Variants in PELP1 observed in about 807,000 individuals in gnomAD.
PELP1 encodes proline-, glutamic acid- and leucine-rich protein 1.
PELP1 carries 32 observed loss-of-function variants against 95.5 expected under a neutral mutation model. The observed-to-expected ratio is 0.34, with a 90% CI of 0.25 to 0.45. The LOEUF (loss-of-function observed/expected upper bound fraction) is 0.45. Among genes scored for constraint, PELP1 ranks in the 20% least tolerant of loss-of-function variants. The probability of loss-of-function intolerance (pLI) is 1.00; values close to 1 mark genes in which losing one functional copy is unlikely to be tolerated. For synonymous variants in PELP1, 668 were observed against 600.1 expected, an observed-to-expected ratio of 1.11 and a Z score of -1.65; for missense variants, 1,358 against 1,444.8, an observed-to-expected ratio of 0.94 and a Z score of 0.97.
At position 4,676,893 on chromosome 17, in the gene PELP1, C is replaced by G. The variant is rs551189872; in HGVS notation, c.643-81G>C. 51 of 1,070,534 alleles carry G rather than the reference C, an allele frequency of 4.8e-5. 1 individual carries two copies. The South Asian group carries it at 6.6e-4, about 14-fold the overall frequency. The allele number at this position is 1,070,534 out of a possible 1,614,324, so 66.3% of individuals were successfully genotyped here. ...TGTACATCCCATCCGTTCCCAGCAG[C>G]AGACTCTAAGCCCAGGTCTCTTTTT... On this transcript the variant is annotated intron_variant, in intron 5 of 16. Coordinates refer to ENST00000572293, the MANE Select transcript of PELP1 (RefSeq NM_014389.3).
chr17:4,694,604 G>A (rs1453360407), intron 1 of PELP1, among the ~76,000 whole-genome samples: 1 of 150,430 alleles, frequency 6.6e-6, no homozygotes, highest in Non-Finnish European at 1.5e-5. Flanking sequence ...AGGTCGCAAT[G>A]AGCCAAGATC....
Position 4,674,257 on chromosome 17 carries a change from C to T in PELP1, c.1582+253G>A, listed in dbSNP as rs182316062. Among the ~76,000 whole-genome samples the T allele has an allele frequency of 8.2e-3, 1,244 of 152,386 alleles. 8 individuals are homozygous for T. The highest frequency in any genetic ancestry group is 0.013 in the Non-Finnish European group (902 of 68,034). ...CGCAGGACCCGAGGCCGCCTGCAGC[C>T]CTGGCAACAGGGCGGCTGCTTGGGT... On this transcript the variant is annotated intron_variant, in intron 13 of 16. Transcript: ENST00000572293.
chr17:4,690,735 C>T (rs886071978), intron 3 of PELP1, among the ~76,000 whole-genome samples, 153 bp downstream of exon 3: 1 of 152,104 alleles, frequency 6.6e-6, no homozygotes, highest in African/African-American at 2.4e-5. Flanking sequence ...AAAAAAGTTT[C>T]TATTTGAAGC....
rs1913647379 is a variant in PELP1, at chr17:4,703,789, G to A, written c.249+74C>T. The A allele has an allele frequency of 5.9e-6, 8 of 1,349,560 alleles. No individual in the cohort carries two copies. The East Asian group carries it at 2.0e-4, about 33-fold the overall frequency. 83.6% of individuals were successfully genotyped at this position (1,349,560 alleles called of 1,614,324 possible). Reference sequence around the variant, plus strand: ...TCAACCTCCCTATCGCACTTGCACTGCACCGTAATCCCGGCGCACAGGTGC... The same window carrying A: ...TCAACCTCCCTATCGCACTTGCACTACACCGTAATCCCGGCGCACAGGTGC... On this transcript the variant is annotated intron_variant, in intron 1 of 16. Transcript: ENST00000572293.
At chr17:4,694,366 C>T (rs931510402) in intron 1 of PELP1, among the ~76,000 whole-genome samples, 14 of 151,836 alleles carry the variant, frequency 9.2e-5, no homozygotes, top group Non-Finnish European at 1.5e-4. Flanking sequence ...AGTGAGTGAA[C>T]TGTGGCCGGG....
chr17:4,676,327 G>T, intron 7 of PELP1, 30 bp downstream of exon 7: 1 of 1,606,970 alleles, frequency 6.2e-7, no homozygotes, highest in Non-Finnish European at 8.5e-7. Context: ...CCTCACTATT[G>T]TTCCACTAAC....
At chr17:4,688,784 A>G (rs1203107400) in intron 3 of PELP1, among the ~76,000 whole-genome samples, 1 of 152,246 alleles carries the variant, frequency 6.6e-6, no homozygotes, top group African/African-American at 2.4e-5. Flanking sequence ...AAAGCAATCT[A>G]CAAATTCAAT....
chr17:4,691,399 C>T lies in PELP1; in HGVS notation c.293G>A (p.Arg98His), dbSNP rs377024175. Residue 98 changes from arginine to histidine, a missense_variant, in exon 2 of 17, where the codon CGT becomes CAT. Arg to His is a conservative substitution (Grantham distance 29, BLOSUM62 0). Transcript: ENST00000572293. ...LGALVSLSNA[R>H]LSSIKTRFEG... ...TTACCGAGTTTTGATGGAACTGAGA[C>T]GTGCATTACTGAGACTCACCAATGC... 14 of 1,613,518 alleles carry T rather than the reference C, an allele frequency of 8.7e-6. No homozygotes were observed. Among genetic ancestry groups the T allele is most frequent in the Middle Eastern group, 3.3e-4 (2 of 6,060 alleles).
In PELP1 at chr17:4,703,955, C is replaced by T; in HGVS notation, c.157G>A (p.Val53Ile). 6.2e-7 allele frequency: 1 copy of T among 1,613,640 alleles called. No individual in the cohort carries two copies. Among genetic ancestry groups the T allele is most frequent in the South Asian group, 1.1e-5 (1 of 91,084 alleles). Reference sequence around the variant, plus strand: ...CGGTTTGGGGGATGCACCGGAGCAACGGCAGACCCCGTTCGAGGTTGCAGC... The same window carrying T: ...CGGTTTGGGGGATGCACCGGAGCAATGGCAGACCCCGTTCGAGGTTGCAGC... The part of the protein sequence containing the change: ...GLLQPRTGSA[V>I]APVHPPNRSA... Residue 53 changes from valine (V) to isoleucine (I), a missense_variant, in exon 1 of 17, where the codon GTT becomes ATT. Coordinates refer to ENST00000572293, the MANE Select transcript of PELP1 (RefSeq NM_014389.3).
At chr17:4,686,271 T>C (rs184032895) in intron 3 of PELP1, among the ~76,000 whole-genome samples, 19 of 152,292 alleles carry the variant, frequency 1.2e-4, no homozygotes, top group African/African-American at 4.6e-4. Flanking sequence ...TCTTCCAGTG[T>C]TCAGGAATCC....
In PELP1 at chr17:4,671,686, C is replaced by T. The variant is rs1912207303; in HGVS notation, c.3300+5G>A. ...CCAAGGAACCTTCCCTGCCTGGCCT[C>T]TCACCTTTTCCTGGAGAGCTTCGGC... On this transcript the variant is annotated splice_donor_5th_base_variant and intron_variant, in intron 16 of 16. Coordinates refer to ENST00000572293, the MANE Select transcript of PELP1 (RefSeq NM_014389.3). 1 of 1,579,086 alleles carries T rather than the reference C, an allele frequency of 6.3e-7. No individual in the cohort carries two copies. The highest frequency in any genetic ancestry group is 8.6e-7 in the Non-Finnish European group (1 of 1,166,988).
At chr17:4,700,547 G>A (rs1361737866) in intron 1 of PELP1, among the ~76,000 whole-genome samples, 1 of 152,118 alleles carries the variant, frequency 6.6e-6, no homozygotes, top group African/African-American at 2.4e-5. Flanking sequence ...AGGAGGCTGA[G>A]GCCTACGTAG....
At chr17:4,689,982 C>T (rs185234350) in intron 3 of PELP1, among the ~76,000 whole-genome samples, 48 of 152,018 alleles carry the variant, frequency 3.2e-4, no homozygotes, top group East Asian at 1.7e-3. Flanking sequence ...GCTGAGAGCG[C>T]GCCACTGCAC....
intron 3 of PELP1, among the ~76,000 whole-genome samples, chr17:4,685,529 C>G (rs1471478373): frequency 6.6e-6 from 1 of 152,130 alleles, no homozygotes; most frequent in Non-Finnish European, 1.5e-5. Flanking sequence ...GTAGCACCTG[C>G]CTGTAATCCC....
At chr17:4,678,173 CA>C (rs1490902659) in intron 5 of PELP1, among the ~76,000 whole-genome samples, 1 of 151,798 alleles carries the variant, frequency 6.6e-6, no homozygotes, top group Admixed American at 6.6e-5. Context: ...GAGATCACGC[CA>C]CTGCACTCTA....
intron 3 of PELP1, among the ~76,000 whole-genome samples, chr17:4,686,183 G>T (rs369584825): frequency 1.5e-4 from 23 of 152,252 alleles, no homozygotes; most frequent in African/African-American, 5.3e-4. Flanking sequence ...CCGGATCAGG[G>T]GGATAGTTAC....
intron 1 of PELP1, among the ~76,000 whole-genome samples, chr17:4,696,082 C>T (rs1395903913): frequency 6.6e-6 from 1 of 150,472 alleles, no homozygotes; most frequent in African/African-American, 2.4e-5. Flanking sequence ...GTAATCCCAA[C>T]ACTGGGAGGC....
chr17:4,689,936 G>A (rs181701035), intron 3 of PELP1, among the ~76,000 whole-genome samples: 30 of 152,322 alleles, frequency 2.0e-4, no homozygotes, highest in Admixed American at 3.9e-4. Context: ...TGAGGCAAGA[G>A]AATTGCTTGA....
chr17:4,679,739 T>A (rs748756999), intron 5 of PELP1, among the ~76,000 whole-genome samples: 1 of 152,066 alleles, frequency 6.6e-6, no homozygotes, highest in Non-Finnish European at 1.5e-5. Flanking sequence ...AATCGATGAG[T>A]CACTCCAAAT....
Sources: gnomAD v4.1 joint callset for allele counts (sites outside exome capture counted in the v4.1 genomes callset) on GRCh38, gnomAD v4.1.1 for gene constraint, MANE v1.5 for transcripts, NCBI Gene and HGNC (gene_info 2026-07-23, HGNC 2026-07-21) for gene names.